Variants in SKIDA1 observed in about 807,000 individuals in gnomAD.
SKIDA1 encodes SKI/DACH domain containing 1, also known as SKI/DACH domain-containing protein 1.
SKIDA1 carries 18 observed loss-of-function variants against 51.4 expected under a neutral mutation model. That is an observed-to-expected ratio of 0.35 (90% CI 0.24 to 0.52). The LOEUF is 0.52. SKIDA1 is among the 20% of genes least tolerant of loss of function. The pLI, the probability that SKIDA1 is intolerant of heterozygous loss-of-function variation, is 0.95. For synonymous variants in SKIDA1, 579 were observed against 500.5 expected, an observed-to-expected ratio of 1.16 and a Z score of -2.09; for missense variants, 1,104 against 1,180.6, an observed-to-expected ratio of 0.94 and a Z score of 0.95.
In SKIDA1 at chr10:21,516,378, TTGGCCTGCGCCTGCACGC is replaced by T. The variant is rs1170551604; in HGVS notation, c.1427_1444del (p.Ser476_Ala481del). The T allele has an allele frequency of 6.2e-7, 1 of 1,613,410 alleles. No individual in the cohort carries two copies. The highest frequency in any genetic ancestry group is 8.5e-7 in the Non-Finnish European group (1 of 1,179,880). Reference sequence around the variant, plus strand: ...GGCGGAGGCCAGATGGTACAAGAAGTTGGCCTGCGCCTGCACGCTGGGAGGCTTGCAGAAGCTGGTGCG... The same window carrying T: ...GGCGGAGGCCAGATGGTACAAGAAGTTGGGAGGCTTGCAGAAGCTGGTGCG... On this transcript the variant is annotated inframe_deletion, in exon 4 of 4. Transcript: ENST00000449193. The surrounding 1 kb of genome is among the most constrained non-coding windows in gnomAD (Gnocchi z 5.7).
chr10:21,524,136 G>A (rs771198836), intron 1 of SKIDA1, among the ~76,000 whole-genome samples: 3 of 152,046 alleles, frequency 2.0e-5, no homozygotes, highest in Non-Finnish European at 2.9e-5. Context: ...CACTTCTGAG[G>A]CCAATTTTTA....
At position 21,516,978 on chromosome 10, in the gene SKIDA1, A is replaced by G. The variant is rs1464370948; in HGVS notation, c.845T>C (p.Leu282Pro). The stretch of plus-strand genomic sequence containing the variant: ...CCGCGCGCCGGCGTGAGGCGCGAGC[A>G]GGCAGTCCTTGGCGCCGCCGCGCTT... ...KRKRGGAKDCLLAPHAGARRL... is the reference protein window; with the variant it reads ...KRKRGGAKDCPLAPHAGARRL... Residue 282 changes from leucine (L) to proline (P), a missense_variant, in exon 4 of 4, where the codon CTG (leucine) becomes CCG (proline). By Grantham distance (98) the Leu-to-Pro change is moderately conservative. Transcript: ENST00000449193. This position sits in a 1 kb window ranked among gnomAD's most constrained non-coding sequence, Gnocchi z 5.7. 2 of 1,145,172 alleles carry G rather than the reference A, an allele frequency of 1.7e-6. No homozygotes were observed. Among genetic ancestry groups the G allele is most frequent in the Non-Finnish European group, 2.2e-6 (2 of 929,470 alleles). 70.9% of individuals were successfully genotyped at this position (1,145,172 alleles called of 1,614,324 possible).
At position 21,515,781 on chromosome 10, in the gene SKIDA1, A is replaced by G; in HGVS notation, c.2042T>C (p.Phe681Ser). 1 of 1,613,988 alleles carries G rather than the reference A, an allele frequency of 6.2e-7. No homozygotes were observed. Among genetic ancestry groups the G allele is most frequent in the African/African-American group, 1.3e-5 (1 of 75,052 alleles). The change falls in exon 4 of 4, where the codon TTT becomes TCT. Residue 681 changes from phenylalanine (F) to serine (S), a missense_variant. By Grantham distance (155) the Phe-to-Ser change is radical. This residue lies in a region of SKIDA1 where 938 missense variants were observed against 886.4 expected (regional missense o/e 1.06). Coordinates refer to ENST00000449193, the MANE Select transcript of SKIDA1 (RefSeq NM_207371.4). ...CTDTGDKTLP[F>S]LHNIKIKVED... Reference sequence around the variant, plus strand: ...TACTTTGATTTTAATATTGTGCAGAAATGGCAATGTCTTGTCGCCTGTGTC... The same window carrying G: ...TACTTTGATTTTAATATTGTGCAGAGATGGCAATGTCTTGTCGCCTGTGTC...
Position 21,524,958 on chromosome 10 carries a change from A to C in SKIDA1, c.-2118+589T>G, listed in dbSNP as rs116893366. 1.8e-4 allele frequency among the ~76,000 whole-genome samples: 28 copies of C among 152,280 alleles called. No individual in the cohort carries two copies. In the East Asian group the frequency reaches 5.4e-3, roughly 29 times the overall value. ...GCTTGTTGAACTAAGAATGAGAAAA[A>C]AGTTGAGAGGCAGATATAGACTAAA... On this transcript the variant is annotated intron_variant, in intron 1 of 3. Transcript: ENST00000449193.
rs2032193543 is a variant in SKIDA1, at chr10:21,516,100, C to A, written c.1723G>T (p.Ala575Ser). The A allele has an allele frequency of 2.5e-6, 4 of 1,614,036 alleles. No homozygotes were observed. The African/African-American group carries it at 5.3e-5, about 22-fold the overall frequency. ...KRTDLTINCL[A>S]EGASSPSPKT... is the part of the protein sequence containing the mutation. ...GGGCTAGGTGAAGAGGCCCCCTCTG[C>A]CAGGCAGTTAATTGTCAGGTCAGTT... The change falls in exon 4 of 4, where the codon GCA becomes TCA. Residue 575 changes from alanine to serine, a missense_variant. Around this residue, in one of 3 missense-constraint regions of SKIDA1, gnomAD observed 938 missense variants for 886.4 expected, o/e 1.06. Coordinates refer to ENST00000449193, the MANE Select transcript of SKIDA1 (RefSeq NM_207371.4). The surrounding 1 kb of genome is among the most constrained non-coding windows in gnomAD (Gnocchi z 5.7).
At position 21,523,684 on chromosome 10, in the gene SKIDA1, T is replaced by A. The variant is rs150972050; in HGVS notation, c.-1930A>T. 6.6e-6 allele frequency: 1 copy of A among 152,308 alleles called. No homozygotes were observed. Among genetic ancestry groups the A allele is most frequent in the Non-Finnish European group, 1.5e-5 (1 of 68,032 alleles). 9.4% of individuals were successfully genotyped at this position (152,308 alleles called of 1,614,324 possible). The stretch of plus-strand genomic sequence containing the variant: ...GTGACACCAAGTGTTGAGGCCTACC[T>A]ATGGGCTGCTCAGCCATACTGAAAT... On this transcript the variant is annotated splice_region_variant and 5_prime_UTR_variant, in exon 2 of 4. An upstream open reading frame in the 5' UTR loses its in-frame stop. Coordinates refer to ENST00000449193, the MANE Select transcript of SKIDA1 (RefSeq NM_207371.4).
Position 21,515,207 on chromosome 10 carries a change from G to A in SKIDA1, c.2616C>T (p.Thr872=). 1 of 1,613,904 alleles carries A rather than the reference G, an allele frequency of 6.2e-7. No homozygotes were observed. Among genetic ancestry groups the A allele is most frequent in the Non-Finnish European group, 8.5e-7 (1 of 1,179,854 alleles). The change falls in exon 4 of 4, where the codon ACC becomes ACT. Residue 872 remains threonine (T), a synonymous_variant. Coordinates refer to ENST00000449193, the MANE Select transcript of SKIDA1 (RefSeq NM_207371.4). ...TGTGAGGAGTTTGAGAATCCTTAGT[G>A]GTGTTTAAGGAATACGCCGGCCACA... ...GDLWPAYSLN[T]TKDSQTPHKA...
At position 21,518,147 on chromosome 10, in the gene SKIDA1, C is replaced by T. The variant is rs1588684806; in HGVS notation, c.-325G>A. 4.0e-6 allele frequency: 1 copy of T among 252,228 alleles called. No individual in the cohort carries two copies. The highest frequency in any genetic ancestry group is 8.7e-5 in the East Asian group (1 of 11,464). The allele number at this position is 252,228 out of a possible 1,614,324, so 15.6% of individuals were successfully genotyped here. ...CTGAGTCCCCGATGCAGATCAGTAC[C>T]TGGGCCCCTCTATTCCTTCCTTCTC... On this transcript the variant is annotated 5_prime_UTR_variant, in exon 4 of 4. Transcript: ENST00000449193.
chr10:21,516,166 T>C lies in SKIDA1; in HGVS notation c.1657A>G (p.Ile553Val), dbSNP rs775189683. ...GAAATTTCAGAGTGTGGGAATGTAA[T>C]CTCAGATACCCTATCGTTCCTTATC... ...AEIRNDRVSEITFPHSEISNA... is the reference protein window; with the variant it reads ...AEIRNDRVSEVTFPHSEISNA... The change falls in exon 4 of 4, where the codon ATT (isoleucine) becomes GTT (valine). Residue 553 changes from isoleucine to valine, a missense_variant. Physicochemically the swap from Ile to Val is conservative, Grantham distance 29. This residue lies in a region of SKIDA1 where 938 missense variants were observed against 886.4 expected (regional missense o/e 1.06). Transcript: ENST00000449193. The surrounding 1 kb of genome is among the most constrained non-coding windows in gnomAD (Gnocchi z 5.7). 1.9e-6 allele frequency: 3 copies of C among 1,613,922 alleles called. No individual in the cohort carries two copies. The highest frequency in any genetic ancestry group is 2.7e-5 in the African/African-American group (2 of 74,928).
At chr10:21,520,881 T>C (rs994660146) in intron 3 of SKIDA1, among the ~76,000 whole-genome samples, 58 of 152,174 alleles carry the variant, frequency 3.8e-4, no homozygotes, top group Non-Finnish European at 2.1e-4. Context: ...TGTGTCTATA[T>C]AGACTTTGTG....
rs1269754867 is a variant in SKIDA1 at position 21,519,031 on chromosome 10, G to C, written c.-1209C>G. On this transcript the variant is annotated 5_prime_UTR_variant, in exon 4 of 4. In the 5' UTR this introduces an upstream ATG that the reference lacks. Coordinates refer to ENST00000449193, the MANE Select transcript of SKIDA1 (RefSeq NM_207371.4). The stretch of plus-strand genomic sequence containing the variant: ...CACGTCAGACCCATAACAAAGCATA[G>C]ATAAGCCAGAAATGTGTACACTTTT... 1.2e-5 allele frequency: 2 copies of C among 167,024 alleles called. No individual in the cohort carries two copies. Among genetic ancestry groups the C allele is most frequent in the African/African-American group, 2.4e-5 (1 of 41,382 alleles). 10.3% of individuals were successfully genotyped at this position (167,024 alleles called of 1,614,324 possible). A position where few individuals can be genotyped will look rare whatever the true frequency, so the allele number is the denominator to read the frequency against.
At chr10:21,521,827 T>G (rs2032404202) in intron 2 of SKIDA1, among the ~76,000 whole-genome samples, 1 of 152,236 alleles carries the variant, frequency 6.6e-6, no homozygotes, top group African/African-American at 2.4e-5. Context: ...TAATGTCCAC[T>G]TACTTCTGCA....
Position 21,517,308 on chromosome 10 carries a change from A to G in SKIDA1, c.515T>C (p.Ile172Thr). ...GTGCGAGCCGGGGTATTTGCTAAAAATCTGAGGTAGATGGGCGGCGGGGCG... is the reference window on the plus strand; with the variant it reads ...GTGCGAGCCGGGGTATTTGCTAAAAGTCTGAGGTAGATGGGCGGCGGGGCG... ...AARPAAHLPQ[I>T]FSKYPGSHYP... is the part of the protein sequence containing the mutation. The change falls in exon 4 of 4, where the codon ATT (isoleucine) becomes ACT (threonine). Residue 172 changes from isoleucine to threonine, a missense_variant. Around this residue, in one of 3 missense-constraint regions of SKIDA1, gnomAD observed 938 missense variants for 886.4 expected, o/e 1.06. Transcript: ENST00000449193. This position sits in a 1 kb window ranked among gnomAD's most constrained non-coding sequence, Gnocchi z 6.9. 5 of 1,453,766 alleles carry G rather than the reference A, an allele frequency of 3.4e-6. No individual in the cohort carries two copies. Among genetic ancestry groups the G allele is most frequent in the Non-Finnish European group, 4.5e-6 (5 of 1,099,432 alleles). The allele number at this position is 1,453,766 out of a possible 1,614,324, so 90.1% of individuals were successfully genotyped here.
At position 21,515,709 on chromosome 10, in the gene SKIDA1, T is replaced by A; in HGVS notation, c.2114A>T (p.Asn705Ile). Residue 705 changes from asparagine to isoleucine, a missense_variant, in exon 4 of 4, where the codon AAT (asparagine) becomes ATT (isoleucine). Physicochemically the swap from Asn to Ile is moderately radical, Grantham distance 149 (BLOSUM62 -3). Around this residue, in one of 3 missense-constraint regions of SKIDA1, gnomAD observed 938 missense variants for 886.4 expected, o/e 1.06. Coordinates refer to ENST00000449193, the MANE Select transcript of SKIDA1 (RefSeq NM_207371.4). ...ATCATTGCACTCGCACTTTAGCTTA[T>A]TTGTAAAAAGGTGAGGTTCATATTC... ...NEEYEPHLFTNKLKCECNDTK... is the reference protein window; with the variant it reads ...NEEYEPHLFTIKLKCECNDTK... 6.2e-7 allele frequency: 1 copy of A among 1,614,074 alleles called. No individual in the cohort carries two copies. The highest frequency in any genetic ancestry group is 8.5e-7 in the Non-Finnish European group (1 of 1,179,908).
rs1218416867 is a variant in SKIDA1, at chr10:21,519,582, G to A, written c.-1760C>T. On this transcript the variant is annotated 5_prime_UTR_variant, in exon 4 of 4. Coordinates refer to ENST00000449193, the MANE Select transcript of SKIDA1 (RefSeq NM_207371.4). ...GCAACTACAACATAAATGCAACCCA[G>A]GCATTTATGTGTTTCCTTGTTCCTC... is the stretch of plus-strand genomic sequence containing the variant. 2 of 167,002 alleles carry A rather than the reference G, an allele frequency of 1.2e-5. No individual in the cohort carries two copies. Among genetic ancestry groups the A allele is most frequent in the African/African-American group, 4.8e-5 (2 of 41,404 alleles). The allele number at this position is 167,002 out of a possible 1,614,324, so 10.3% of individuals were successfully genotyped here.
Position 21,515,149 on chromosome 10 carries a change from C to T in SKIDA1, c.2674G>A (p.Gly892Ser), listed in dbSNP as rs890835552. Residue 892 changes from glycine (G) to serine (S), a missense_variant, in exon 4 of 4, where the codon GGT becomes AGT. By Grantham distance (56) the Gly-to-Ser change is moderately conservative. Coordinates refer to ENST00000449193, the MANE Select transcript of SKIDA1 (RefSeq NM_207371.4). ...AHPIWKWQLGGSAIPLPPSHK... is the reference protein window; with the variant it reads ...AHPIWKWQLGSSAIPLPPSHK... The stretch of plus-strand genomic sequence containing the variant: ...CTAGGTGGAAGAGGTATTGCAGAAC[C>T]GCCCAGCTGCCATTTCCATATAGGA... 4.3e-6 allele frequency: 7 copies of T among 1,613,378 alleles called. No individual in the cohort carries two copies. The highest frequency in any genetic ancestry group is 5.9e-6 in the Non-Finnish European group (7 of 1,179,740).
In SKIDA1 at chr10:21,515,741, A is replaced by T. The variant is rs2032179275; in HGVS notation, c.2082T>A (p.Ala694=). 1 of 1,613,924 alleles carries T rather than the reference A, an allele frequency of 6.2e-7. No homozygotes were observed. The highest frequency in any genetic ancestry group is 1.3e-5 in the African/African-American group (1 of 74,930). ...AAAGGTGAGGTTCATATTCTTCATT[A>T]GCACTACTGTCTTCTACTTTGATTT... The part of the protein sequence containing the change: ...NIKIKVEDSS[A]NEEYEPHLFT... The change falls in exon 4 of 4, where the codon GCT becomes GCA. Residue 694 remains alanine (A), a synonymous_variant. Coordinates refer to ENST00000449193, the MANE Select transcript of SKIDA1 (RefSeq NM_207371.4).
chr10:21,514,213 C>CAAAAAAAAAAAAAAAAAAAAAAAAAA lies in SKIDA1; in HGVS notation c.*882_*883insTTTTTTTTTTTTTTTTTTTTTTTTTT, dbSNP rs71393903. ...CTGGGCGACACAGCGAGACTCTCTC[C>CAAAAAAAAAAAAAAAAAAAAAAAAAA]AAAAAAAAAAAAAAAAAAAAAAAGA... On this transcript the variant is annotated 3_prime_UTR_variant, in exon 4 of 4. Coordinates refer to ENST00000449193, the MANE Select transcript of SKIDA1 (RefSeq NM_207371.4). 1 of 60,174 alleles carries CAAAAAAAAAAAAAAAAAAAAAAAAAA rather than the reference C, an allele frequency of 1.7e-5. No individual in the cohort carries two copies. Among genetic ancestry groups the CAAAAAAAAAAAAAAAAAAAAAAAAAA allele is most frequent in the Non-Finnish European group, 2.8e-5 (1 of 35,240 alleles). 3.7% of individuals were successfully genotyped at this position (60,174 alleles called of 1,614,324 possible). A position where few individuals can be genotyped will look rare whatever the true frequency, so the allele number is the denominator to read the frequency against.
At chr10:21,522,492 A>G (rs1374212259) in intron 2 of SKIDA1, among the ~76,000 whole-genome samples, 1 of 152,172 alleles carries the variant, frequency 6.6e-6, no homozygotes, top group Non-Finnish European at 1.5e-5. Context: ...AAATAATAAT[A>G]AAGTCTCATA....
Sources: allele counts gnomAD v4.1 joint callset (sites outside exome capture counted in the v4.1 genomes callset), GRCh38; gene constraint gnomAD v4.1.1; regional missense constraint gnomAD v4.1.1; non-coding constraint Gnocchi (gnomAD v3.1); transcripts MANE v1.5; gene names NCBI Gene and HGNC (gene_info 2026-07-23, HGNC 2026-07-21).